Variants in TCF12 observed in about 807,000 individuals in gnomAD.
TCF12 encodes DNA-binding protein HTF4.
Under a neutral mutation model 86.0 loss-of-function variants are expected in TCF12, and 45 were observed. That is an observed-to-expected ratio of 0.52 (90% CI 0.41 to 0.67). The LOEUF (loss-of-function observed/expected upper bound fraction) is 0.67, where lower values mean the gene tolerates loss of function less well. TCF12 is among the 30% of genes least tolerant of loss of function. The pLI, the probability that TCF12 is intolerant of heterozygous loss-of-function variation, is 0.00. For missense variants in TCF12, 881 were observed against 859.9 expected (o/e 1.02, Z -0.31); for synonymous variants, 330 against 299.6 (o/e 1.10, Z -1.05).
chr15:56,984,289 TGTGTGA>T (rs1250909190), intron 3 of TCF12, among the ~76,000 whole-genome samples: 2 of 149,970 alleles, frequency 1.3e-5, no homozygotes, highest in African/African-American at 5.0e-5. Flanking sequence ...TGTGTGTGTG[TGTGTGA>T]AGGGTGGAGA....
chr15:56,950,512 C>T (rs951908940), intron 3 of TCF12, among the ~76,000 whole-genome samples: 4 of 152,128 alleles, frequency 2.6e-5, no homozygotes, highest in Admixed American at 2.0e-4. Context: ...AGGCGTGAGC[C>T]ACTGCGCCTG....
intron 4 of TCF12, among the ~76,000 whole-genome samples, chr15:57,067,384 CA>C (rs1220839376): frequency 1.3e-5 from 2 of 150,934 alleles, no homozygotes; most frequent in Non-Finnish European, 3.0e-5. Flanking sequence ...ACTAAAAATA[CA>C]AAAAATTAGC....
chr15:57,174,123 T>TA (rs766814390), intron 6 of TCF12, among the ~76,000 whole-genome samples: 4 of 152,328 alleles, frequency 2.6e-5, no homozygotes, highest in Admixed American at 2.6e-4. Flanking sequence ...AAAAAAATAA[T>TA]ACCAATTTTA....
intron 3 of TCF12, among the ~76,000 whole-genome samples, chr15:56,974,599 G>A (rs1657186848): frequency 6.6e-6 from 1 of 152,060 alleles, no homozygotes; most frequent in African/African-American, 2.4e-5. Flanking sequence ...AAGTACTTCT[G>A]TGTACTTTAG....
chr15:57,061,920 A>G (rs80075618), intron 3 of TCF12, among the ~76,000 whole-genome samples: 1 of 151,574 alleles, frequency 6.6e-6, no homozygotes, highest in Non-Finnish European at 1.5e-5. Flanking sequence ...AAGATAGCTC[A>G]CTGGTGTCTA....
At chr15:57,277,909 C>T (rs1452570521) in intron 19 of TCF12, among the ~76,000 whole-genome samples, 1 of 151,884 alleles carries the variant, frequency 6.6e-6, no homozygotes, top group African/African-American at 2.4e-5. Flanking sequence ...CACCACACTC[C>T]AGTCTGGGCA....
At chr15:57,252,788 A>G (rs1443506072) in intron 15 of TCF12, among the ~76,000 whole-genome samples, 1 of 152,198 alleles carries the variant, frequency 6.6e-6, no homozygotes, top group Non-Finnish European at 1.5e-5. Flanking sequence ...TTGTCAAAGA[A>G]CATATCTGGA....
intron 6 of TCF12, among the ~76,000 whole-genome samples, chr15:57,167,407 A>G (rs1420415943): frequency 1.3e-5 from 2 of 152,098 alleles, no homozygotes; most frequent in Non-Finnish European, 2.9e-5. Context: ...CTTAAAATGT[A>G]AAAATCAGCC....
intron 20 of TCF12, among the ~76,000 whole-genome samples, chr15:57,283,370 C>T (rs1384269537): frequency 3.3e-5 from 5 of 152,072 alleles, no homozygotes; most frequent in Non-Finnish European, 7.4e-5. Flanking sequence ...AGCAATTCTC[C>T]TGCCTCAGCC....
chr15:57,288,121 T>A lies in TCF12; in HGVS notation c.*1976T>A, dbSNP rs1236648574. ...TCTAAATATTACTCTTTCTAGATTTTTGAAATCAAAAAGTTTTCAGTAAAA... is the reference window on the plus strand; with the variant it reads ...TCTAAATATTACTCTTTCTAGATTTATGAAATCAAAAAGTTTTCAGTAAAA... On this transcript the variant is annotated 3_prime_UTR_variant, in exon 21 of 21. Transcript: ENST00000333725. The A allele has an allele frequency of 6.6e-6, 1 of 152,642 alleles. No homozygotes were observed. The highest frequency in any genetic ancestry group is 6.5e-5 in the Admixed American group (1 of 15,280). The allele number at this position is 152,642 out of a possible 1,614,324, so 9.5% of individuals were successfully genotyped here. A position where few individuals can be genotyped will look rare whatever the true frequency, so the allele number is the denominator to read the frequency against.
At chr15:57,200,662 G>T (rs1384015087) in intron 8 of TCF12, among the ~76,000 whole-genome samples, 3 of 152,136 alleles carry the variant, frequency 2.0e-5, no homozygotes, top group South Asian at 2.1e-4. Context: ...AATAGGCAGG[G>T]TTACTTAGCA....
chr15:57,013,523 G>T (rs1191031699), intron 3 of TCF12, among the ~76,000 whole-genome samples: 1 of 152,156 alleles, frequency 6.6e-6, no homozygotes, highest in African/African-American at 2.4e-5. Context: ...GTTTCACCAT[G>T]TTGGCCAGGC....
chr15:57,168,424 A>G (rs1212232593), intron 6 of TCF12, among the ~76,000 whole-genome samples: 1 of 152,246 alleles, frequency 6.6e-6, no homozygotes, highest in African/African-American at 2.4e-5. Context: ...CAGTGCTTTA[A>G]GGCCAACCAA....
intron 4 of TCF12, among the ~76,000 whole-genome samples, chr15:57,085,992 A>G (rs144903883): frequency 2.6e-5 from 4 of 152,222 alleles, no homozygotes; most frequent in East Asian, 1.9e-4. Context: ...CCTGAGGTCT[A>G]TGGAGAAACT....
At chr15:57,091,310 C>T (rs182638998) in intron 4 of TCF12, among the ~76,000 whole-genome samples, 64 of 152,118 alleles carry the variant, frequency 4.2e-4, no homozygotes, top group African/African-American at 1.5e-3. Context: ...AATTGCCTAA[C>T]GCTTTATTTT....
chr15:56,942,000 A>G (rs916305570), intron 3 of TCF12, among the ~76,000 whole-genome samples: 2 of 152,160 alleles, frequency 1.3e-5, no homozygotes, highest in African/African-American at 2.4e-5. Context: ...TCTGAAATAT[A>G]GAATATATTT....
chr15:57,088,296 C>T (rs1596472073), intron 4 of TCF12, among the ~76,000 whole-genome samples: 1 of 152,154 alleles, frequency 6.6e-6, no homozygotes, highest in East Asian at 1.9e-4. Context: ...TGGTTTATGA[C>T]ATTTTCCCCT....
intron 8 of TCF12, among the ~76,000 whole-genome samples, chr15:57,226,992 A>G (rs1281049606): frequency 6.6e-6 from 1 of 152,166 alleles, no homozygotes; most frequent in African/African-American, 2.4e-5. Context: ...ACTCATATAA[A>G]GCATTCTTCT....
At chr15:57,244,230 A>G (rs1392604980) in intron 13 of TCF12, among the ~76,000 whole-genome samples, 2 of 152,196 alleles carry the variant, frequency 1.3e-5, no homozygotes, top group Admixed American at 6.5e-5. Context: ...AGATTAATCT[A>G]TTTAAAAGTA....
Sources: gnomAD v4.1 joint callset for allele counts (sites outside exome capture counted in the v4.1 genomes callset) on GRCh38, gnomAD v4.1.1 for gene constraint, MANE v1.5 for transcripts, NCBI Gene and HGNC (gene_info 2026-07-23, HGNC 2026-07-21) for gene names.